PHF21B: variants seen among roughly 807,000 people sequenced by gnomAD.
PHF21B encodes the protein PHD finger protein 21B.
A neutral mutation model predicts 62.2 loss-of-function variants in PHF21B; 22 were observed. The ratio of observed to expected loss-of-function variants is 0.35; its 90% confidence interval spans 0.25 to 0.51. The LOEUF (loss-of-function observed/expected upper bound fraction) is 0.51, where lower values mean the gene tolerates loss of function less well. Ranked by LOEUF, PHF21B falls within the 20% of genes least tolerant of loss-of-function variation. The pLI, the probability that PHF21B is intolerant of heterozygous loss-of-function variation, is 0.97. For synonymous variants in PHF21B, 341 were observed against 314.7 expected (o/e 1.08, Z -0.88); for missense variants, 701 against 707.9 (o/e 0.99, Z 0.11).
intron 2 of PHF21B, among the ~76,000 whole-genome samples, chr22:44,986,825 C>T (rs956360618): frequency 6.6e-6 from 1 of 150,560 alleles, no homozygotes; most frequent in Admixed American, 6.6e-5. Flanking sequence ...GGTCCTGGAG[C>T]TGGGGAGAGG....
At chr22:44,990,950 T>C (rs1226573096) in intron 2 of PHF21B, among the ~76,000 whole-genome samples, 1 of 152,180 alleles carries the variant, frequency 6.6e-6, no homozygotes, top group African/African-American at 2.4e-5. Context: ...CTGAACCACC[T>C]TGGAAGGTCT....
At chr22:44,975,599 C>T (rs1601667143) in intron 2 of PHF21B, among the ~76,000 whole-genome samples, 1 of 152,354 alleles carries the variant, frequency 6.6e-6, no homozygotes, top group African/African-American at 2.4e-5. Flanking sequence ...GCATGAGCTT[C>T]TTCCAGCTCA....
intron 2 of PHF21B, chr22:45,001,435 C>T (rs2073216032): frequency 6.6e-6 from 1 of 152,502 alleles, no homozygotes; most frequent in Non-Finnish European, 1.5e-5. Context: ...GTCCCCACAC[C>T]CCTCAGCACA....
intron 2 of PHF21B, among the ~76,000 whole-genome samples, chr22:45,005,226 T>C (rs2073293741): frequency 1.3e-5 from 2 of 152,208 alleles, no homozygotes; most frequent in Admixed American, 1.3e-4. Flanking sequence ...TCACACATCA[T>C]ATCTTGTTAA....
intron 5 of PHF21B, among the ~76,000 whole-genome samples, chr22:44,900,136 T>G (rs545634017): frequency 1.1e-4 from 16 of 152,310 alleles, no homozygotes; most frequent in African/African-American, 3.6e-4. Flanking sequence ...CATGAATCTT[T>G]TATATATTAT....
At chr22:45,007,619 G>A (rs2073345762) in intron 2 of PHF21B, among the ~76,000 whole-genome samples, 1 of 147,692 alleles carries the variant, frequency 6.8e-6, no homozygotes, top group East Asian at 2.0e-4. Context: ...CCCCGTGCCC[G>A]CCACAGCGGT....
At chr22:44,970,795 A>G (rs1282480485) in intron 2 of PHF21B, 1 of 152,256 alleles carries the variant, frequency 6.6e-6, no homozygotes, top group Non-Finnish European at 1.5e-5. Context: ...ACAGCCAGGA[A>G]AGATTTGGGG....
chr22:44,991,264 G>A (rs1467409851), intron 2 of PHF21B, among the ~76,000 whole-genome samples: 1 of 152,196 alleles, frequency 6.6e-6, no homozygotes, highest in Non-Finnish European at 1.5e-5. Flanking sequence ...TCCCTAAAAT[G>A]GGTAAAAGAA....
At chr22:44,986,281 GCAC>G in intron 2 of PHF21B, among the ~76,000 whole-genome samples, 1 of 148,662 alleles carries the variant, frequency 6.7e-6, no homozygotes, top group East Asian at 2.0e-4. Flanking sequence ...ACCATCATGA[GCAC>G]CACCGCCACT....
intron 2 of PHF21B, among the ~76,000 whole-genome samples, chr22:44,924,893 G>A (rs1352719623): frequency 1.3e-5 from 2 of 152,082 alleles, no homozygotes; most frequent in African/African-American, 4.8e-5. Context: ...AGCACAAATG[G>A]GAAGCAACCC....
chr22:44,944,094 C>T (rs1003342151), intron 2 of PHF21B, among the ~76,000 whole-genome samples: 47 of 152,288 alleles, frequency 3.1e-4, no homozygotes, highest in African/African-American at 1.1e-3. Context: ...TGCTGAGCCC[C>T]GCAAGCCTCA....
chr22:44,956,225 G>C (rs749405534), intron 2 of PHF21B, among the ~76,000 whole-genome samples: 101 of 152,212 alleles, frequency 6.6e-4, no homozygotes, highest in Non-Finnish European at 8.8e-4. Flanking sequence ...TCCCTGGGGA[G>C]GGGGATTTTG....
intron 2 of PHF21B, among the ~76,000 whole-genome samples, chr22:44,972,852 C>G (rs941570201): frequency 3.9e-5 from 6 of 152,210 alleles, no homozygotes; most frequent in African/African-American, 1.4e-4. Context: ...TGCCAGACAA[C>G]TTGGGCCCTG....
chr22:44,997,733 T>C (rs2073146174), intron 2 of PHF21B, among the ~76,000 whole-genome samples: 1 of 152,126 alleles, frequency 6.6e-6, no homozygotes, highest in Non-Finnish European at 1.5e-5. Flanking sequence ...CTCCCTCTCT[T>C]TCTCTCCCTT....
chr22:44,964,463 A>G (rs2072485583), intron 2 of PHF21B, among the ~76,000 whole-genome samples: 1 of 151,688 alleles, frequency 6.6e-6, no homozygotes, highest in Non-Finnish European at 1.5e-5. Flanking sequence ...GCAGAGGAGG[A>G]CCACTCCCAA....
intron 2 of PHF21B, among the ~76,000 whole-genome samples, chr22:44,962,718 G>C (rs1437627568): frequency 6.6e-6 from 1 of 152,102 alleles, no homozygotes; most frequent in East Asian, 1.9e-4. Context: ...TGCTCAGAGG[G>C]AACACCAGGT....
intron 2 of PHF21B, among the ~76,000 whole-genome samples, chr22:44,979,881 C>T (rs989682767): frequency 4.0e-5 from 6 of 151,778 alleles, no homozygotes; most frequent in African/African-American, 1.5e-4. Flanking sequence ...CCAGTCTGGC[C>T]GACATGGTGA....
intron 2 of PHF21B, among the ~76,000 whole-genome samples, chr22:44,993,396 C>A (rs1046175499): frequency 5.3e-5 from 8 of 152,200 alleles, no homozygotes; most frequent in Admixed American, 4.6e-4. Context: ...AGAGGCCTAT[C>A]CACGCTCATC....
chr22:44,922,312 C>T (rs779706120), intron 2 of PHF21B, among the ~76,000 whole-genome samples: 2 of 152,140 alleles, frequency 1.3e-5, no homozygotes, highest in Non-Finnish European at 2.9e-5. Flanking sequence ...TGAGTTTAGC[C>T]AGGTTGCAGG....
Sources: allele counts gnomAD v4.1 joint callset (sites outside exome capture counted in the v4.1 genomes callset), GRCh38; gene constraint gnomAD v4.1.1; transcripts MANE v1.5; gene names NCBI Gene and HGNC (gene_info 2026-07-23, HGNC 2026-07-21).